Variants in TMEFF2 observed in about 807,000 individuals in gnomAD.
TMEFF2 encodes transmembrane protein with EGF like and two follistatin like domains 2, also known as tomoregulin-2.
A neutral mutation model predicts 53.8 loss-of-function variants in TMEFF2; 28 were observed. The observed-to-expected ratio is 0.52, with a 90% confidence interval of 0.39 to 0.71. TMEFF2 has a LOEUF of 0.71. Among genes scored for constraint, TMEFF2 ranks in the 30% least tolerant of loss-of-function variants. The pLI is 0.00. For missense variants in TMEFF2, 353 were observed against 455.2 expected (o/e 0.78, Z 2.04); for synonymous variants, 162 against 166.3 (o/e 0.97, Z 0.20).
chr2:192,165,190 T>C (rs555013151), intron 4 of TMEFF2, among the ~76,000 whole-genome samples: 2 of 152,272 alleles, frequency 1.3e-5, no homozygotes, highest in East Asian at 3.9e-4. Flanking sequence ...TTTTCTGTTA[T>C]AAATCCTTGA....
chr2:192,021,463 C>T (rs1407469818), intron 5 of TMEFF2, among the ~76,000 whole-genome samples: 1 of 152,046 alleles, frequency 6.6e-6, no homozygotes, highest in East Asian at 1.9e-4. Context: ...TCTTTCAAAG[C>T]AGACTCTACC....
intron 5 of TMEFF2, among the ~76,000 whole-genome samples, chr2:192,019,212 G>A (rs2105858661): frequency 6.6e-6 from 1 of 152,000 alleles, no homozygotes; most frequent in African/African-American, 2.4e-5. Context: ...AAGAGTAGAA[G>A]TAGGCTATTT....
At chr2:191,954,707 A>T (rs1363931825) in intron 8 of TMEFF2, among the ~76,000 whole-genome samples, 1 of 152,176 alleles carries the variant, frequency 6.6e-6, no homozygotes, top group East Asian at 1.9e-4. Context: ...TTTTGTTAGA[A>T]AAAAGTAAGT....
intron 4 of TMEFF2, among the ~76,000 whole-genome samples, chr2:192,058,097 A>G (rs746171321): frequency 6.6e-6 from 1 of 152,198 alleles, no homozygotes; most frequent in Non-Finnish European, 1.5e-5. Flanking sequence ...AAGGGAGTTA[A>G]ATTTTCACCT....
chr2:191,996,790 G>A (rs1194730117), intron 7 of TMEFF2, among the ~76,000 whole-genome samples: 1 of 151,636 alleles, frequency 6.6e-6, no homozygotes, highest in Admixed American at 6.6e-5. Context: ...TGAATGAAAT[G>A]ATAAAATTTT....
chr2:192,187,409 C>T (rs1691341242), intron 2 of TMEFF2, among the ~76,000 whole-genome samples: 1 of 152,150 alleles, frequency 6.6e-6, no homozygotes, highest in Admixed American at 6.5e-5. Flanking sequence ...CTAACTCTAA[C>T]ATCAAGCCAT....
chr2:192,029,784 T>C (rs938537910), intron 5 of TMEFF2, among the ~76,000 whole-genome samples: 1 of 152,228 alleles, frequency 6.6e-6, no homozygotes, highest in African/African-American at 2.4e-5. Context: ...AACATACCCA[T>C]TGCATGTTGA....
At chr2:191,956,995 T>C (rs1029430540) in intron 7 of TMEFF2, among the ~76,000 whole-genome samples, 1 of 152,206 alleles carries the variant, frequency 6.6e-6, no homozygotes, top group Non-Finnish European at 1.5e-5. Flanking sequence ...TATGTAGATA[T>C]TCACATAGTA....
At chr2:192,132,872 G>A (rs1012314279) in intron 4 of TMEFF2, among the ~76,000 whole-genome samples, 4 of 151,962 alleles carry the variant, frequency 2.6e-5, no homozygotes, top group African/African-American at 7.2e-5. Context: ...ACTCCTTCTC[G>A]GCTTAGTGGC....
At chr2:192,106,952 G>C (rs145729995) in intron 4 of TMEFF2, among the ~76,000 whole-genome samples, 13 of 151,854 alleles carry the variant, frequency 8.6e-5, no homozygotes, top group Non-Finnish European at 1.8e-4. Flanking sequence ...TATAGGTGGA[G>C]TCAAAGAGTT....
chr2:191,950,321 C>T lies in TMEFF2; in HGVS notation c.1115G>A (p.Arg372Lys). 6.2e-7 allele frequency: 1 copy of T among 1,613,126 alleles called. No individual in the cohort carries two copies. The highest frequency in any genetic ancestry group is 2.2e-5 in the East Asian group (1 of 44,818). Residue 372 changes from arginine to lysine, a missense_variant, in exon 10 of 10, where the codon AGG (arginine) becomes AAG (lysine). By Grantham distance (26) the Arg-to-Lys change is conservative (BLOSUM62 2). Coordinates refer to ENST00000272771, the MANE Select transcript of TMEFF2 (RefSeq NM_016192.4). ...SSDNTTRAST[R>K]LI ...TGAAACATGCTCCCTTTAGATTAAC[C>T]TCGTGGACGCTCTTGTTGTATTGTC...
intron 7 of TMEFF2, among the ~76,000 whole-genome samples, chr2:191,975,496 A>G (rs889114071): frequency 6.6e-6 from 1 of 151,376 alleles, no homozygotes; most frequent in Non-Finnish European, 1.5e-5. Context: ...CAGTTCTCAA[A>G]TGTTACTGAG....
At chr2:191,962,808 C>T (rs999036946) in intron 7 of TMEFF2, among the ~76,000 whole-genome samples, 3 of 152,104 alleles carry the variant, frequency 2.0e-5, no homozygotes, top group Non-Finnish European at 2.9e-5. Flanking sequence ...TTTTTTGACT[C>T]GGCAATGCCC....
At chr2:191,999,278 A>AT in intron 5 of TMEFF2, 70 bp from the exon 6 acceptor site, 2 of 1,324,216 alleles carry the variant, frequency 1.5e-6, no homozygotes, top group Non-Finnish European at 2.0e-6. Flanking sequence ...TAAAACACAA[A>AT]TGAAAGAATT....
chr2:192,127,597 T>C (rs10497723), intron 4 of TMEFF2, among the ~76,000 whole-genome samples: 22,386 of 152,196 alleles, frequency 0.15, 2,388 homozygotes, highest in African/African-American at 0.28. Context: ...GGGGCTAACG[T>C]TGAAAAATTG....
At chr2:192,116,810 A>G (rs1180386751) in intron 4 of TMEFF2, among the ~76,000 whole-genome samples, 1 of 152,116 alleles carries the variant, frequency 6.6e-6, no homozygotes, top group Non-Finnish European at 1.5e-5. Context: ...AAGAAATTAA[A>G]GAATCAAGAT....
chr2:192,057,859 G>A, intron 4 of TMEFF2, 84 bp from the exon 5 acceptor site: 1 of 1,120,598 alleles, frequency 8.9e-7, no homozygotes, highest in Non-Finnish European at 1.4e-6. Flanking sequence ...AATTAAAGCT[G>A]CTACTTTCCC....
At chr2:192,086,778 C>T (rs1040071150) in intron 4 of TMEFF2, among the ~76,000 whole-genome samples, 1 of 152,076 alleles carries the variant, frequency 6.6e-6, no homozygotes, top group African/African-American at 2.4e-5. Context: ...CTACATGCAA[C>T]CTCTCAAGAC....
chr2:192,096,652 C>CCTTCCT (rs57769211), intron 4 of TMEFF2, among the ~76,000 whole-genome samples: 1 of 99,224 alleles, frequency 1.0e-5, no homozygotes, highest in Non-Finnish European at 1.8e-5. Context: ...TTCCTTCCTT[C>CCTTCCT]TCTCTCTCTC....
Sources: allele counts gnomAD v4.1 joint callset (sites outside exome capture counted in the v4.1 genomes callset), GRCh38; gene constraint gnomAD v4.1.1; transcripts MANE v1.5; gene names NCBI Gene and HGNC (gene_info 2026-07-23, HGNC 2026-07-21).